RYR3: variants seen among roughly 807,000 people sequenced by gnomAD.
RYR3 encodes the protein ryanodine receptor 3.
RYR3 carries 207 observed loss-of-function variants against 584.3 expected under a neutral mutation model. That is an observed-to-expected ratio of 0.35 (90% confidence interval 0.32 to 0.40). RYR3 has a LOEUF of 0.40. Ranked by LOEUF, RYR3 falls within the 10% of genes least tolerant of loss-of-function variation. RYR3 has a pLI of 1.00. For synonymous variants in RYR3, 2,416 were observed against 2,248.5 expected, an observed-to-expected ratio of 1.07 and a Z score of -2.11; for missense variants, 5,616 against 6,089.2, an observed-to-expected ratio of 0.92 and a Z score of 2.59.
At chr15:33,742,522 T>A (rs1438831410) in intron 52 of RYR3, 78 bp downstream of exon 52, 2 of 933,204 alleles carry the variant, frequency 2.1e-6, no homozygotes, top group Admixed American at 3.7e-5. Context: ...GTCCTGGAAA[T>A]CTGCCTGATT....
Position 33,699,722 on chromosome 15 carries a change from G to T in RYR3, c.6268G>T (p.Val2090Phe), listed in dbSNP as rs757798437. The T allele has an allele frequency of 8.1e-6, 13 of 1,613,600 alleles. No homozygotes were observed. The highest frequency in any genetic ancestry group is 2.2e-5 in the East Asian group (1 of 44,872). ...EKSQIAFPKMVASCCRFLCYF... is the reference protein window; with the variant it reads ...EKSQIAFPKMFASCCRFLCYF... The stretch of plus-strand genomic sequence containing the variant: ...CCTACAGATTGCATTTCCAAAGATG[G>T]TTGCTAGCTGCTGCCGTTTCCTTTG... The change falls in exon 41 of 104, where the codon GTT (valine) becomes TTT (phenylalanine). Residue 2090 changes from valine to phenylalanine, a missense_variant. Coordinates refer to ENST00000634891, the MANE Select transcript of RYR3 (RefSeq NM_001036.6).
intron 2 of RYR3, among the ~76,000 whole-genome samples, chr15:33,476,475 C>G (rs776856837): frequency 3.3e-5 from 5 of 152,176 alleles, no homozygotes; most frequent in African/African-American, 4.8e-5. Context: ...GTTTTTCATT[C>G]TAGCCTTTGC....
intron 1 of RYR3, among the ~76,000 whole-genome samples, chr15:33,409,749 T>C (rs1596015937): frequency 6.6e-6 from 1 of 152,244 alleles, no homozygotes; most frequent in African/African-American, 2.4e-5. Context: ...TGCCCACTTC[T>C]GGAGTTCTAG....
chr15:33,323,767 G>C (rs1434403519), intron 1 of RYR3, among the ~76,000 whole-genome samples: 1 of 152,180 alleles, frequency 6.6e-6, no homozygotes, highest in African/African-American at 2.4e-5. Context: ...ACTCCCAGCT[G>C]TTTGGGAGGT....
chr15:33,379,016 A>G (rs141911274), intron 1 of RYR3, among the ~76,000 whole-genome samples: 112 of 152,282 alleles, frequency 7.4e-4, no homozygotes, highest in Middle Eastern at 3.4e-3. Flanking sequence ...TGAAAATCTT[A>G]TCTATGTTAC....
intron 74 of RYR3, 112 bp downstream of exon 74, chr15:33,813,691 G>T: frequency 1.1e-6 from 1 of 882,324 alleles, no homozygotes; most frequent in Non-Finnish European, 1.8e-6. Context: ...TGGAATCCTT[G>T]GCCTATGGAG....
At chr15:33,684,628 C>A (rs149777646) in intron 38 of RYR3, among the ~76,000 whole-genome samples, 3,281 of 152,182 alleles carry the variant, frequency 0.022, 121 homozygotes, top group African/African-American at 0.075. Context: ...TCGAGAAGAG[C>A]AACCCCAAGA....
chr15:33,692,849 G>A (rs2065538744), intron 38 of RYR3, among the ~76,000 whole-genome samples: 1 of 152,146 alleles, frequency 6.6e-6, no homozygotes, highest in African/African-American at 2.4e-5. Context: ...TTTTGAGTCA[G>A]TGTGAGGCTA....
chr15:33,655,002 G>A (rs2062739914), intron 32 of RYR3, among the ~76,000 whole-genome samples: 1 of 152,156 alleles, frequency 6.6e-6, no homozygotes. Context: ...ACCCTTCCTG[G>A]GGGCGGGGAG....
intron 1 of RYR3, among the ~76,000 whole-genome samples, chr15:33,438,161 T>C (rs938428920): frequency 2.0e-5 from 3 of 152,162 alleles, no homozygotes; most frequent in Non-Finnish European, 4.4e-5. Context: ...TTTTTTGTGG[T>C]GAGAACATTT....
chr15:33,660,020 A>G (rs531465921), intron 33 of RYR3, among the ~76,000 whole-genome samples, 177 bp from the exon 34 acceptor site: 1 of 152,210 alleles, frequency 6.6e-6, no homozygotes. Context: ...TGAAAGAATC[A>G]ATTAATGCTC....
chr15:33,459,157 AT>A (rs569706329), intron 1 of RYR3, among the ~76,000 whole-genome samples: 1 of 152,134 alleles, frequency 6.6e-6, no homozygotes, highest in African/African-American at 2.4e-5. Flanking sequence ...GCATCAATAT[AT>A]TTTTACAGGT....
intron 1 of RYR3, among the ~76,000 whole-genome samples, chr15:33,400,574 GTGGAGACTTTCTTCCTTCA>G (rs775752959): frequency 3.5e-4 from 54 of 152,256 alleles, no homozygotes; most frequent in Admixed American, 1.0e-3. Flanking sequence ...AAATTTCTTC[GTGGAGACTTTCTTCCTTCA>G]TGGAGACTTT....
In RYR3 at chr15:33,821,512, C is replaced by T. The variant is rs750189132; in HGVS notation, c.10916-11C>T. ...TTCCTTGGTGATTCAATCGAATCTT[C>T]ACCATGGCAGGTGAGATGAGCCCCA... On this transcript the variant is annotated splice_polypyrimidine_tract_variant and intron_variant, in intron 79 of 103. Coordinates refer to ENST00000634891, the MANE Select transcript of RYR3 (RefSeq NM_001036.6). 6.2e-7 allele frequency: 1 copy of T among 1,613,882 alleles called. No homozygotes were observed. The highest frequency in any genetic ancestry group is 1.7e-5 in the Admixed American group (1 of 60,024).
intron 1 of RYR3, among the ~76,000 whole-genome samples, chr15:33,389,377 T>C (rs893965106): frequency 6.6e-6 from 1 of 152,166 alleles, no homozygotes; most frequent in Non-Finnish European, 1.5e-5. Context: ...TTTAGTGATA[T>C]GGAGATGATC....
chr15:33,694,316 C>G (rs2065668564), intron 38 of RYR3, among the ~76,000 whole-genome samples: 1 of 151,684 alleles, frequency 6.6e-6, no homozygotes, highest in South Asian at 2.1e-4. Context: ...GCAATCTCAG[C>G]TCACTGCAAG....
At chr15:33,321,472 G>A (rs761026147) in intron 1 of RYR3, among the ~76,000 whole-genome samples, 2 of 152,206 alleles carry the variant, frequency 1.3e-5, no homozygotes, top group South Asian at 4.2e-4. Flanking sequence ...GGATCATATT[G>A]GTTATTTAAC....
rs748488682 is a variant in RYR3 at position 33,531,632 on chromosome 15, C to CAT, written c.354+981_354+982dup. 3.9e-3 allele frequency among the ~76,000 whole-genome samples: 501 copies of CAT among 128,482 alleles called. 1 individual carries two copies. Among genetic ancestry groups the CAT allele is most frequent in the Middle Eastern group, 0.013 (3 of 240 alleles). The allele number at this position is 128,482 out of a possible 152,430, so 84.3% of individuals were successfully genotyped here. A position where few individuals can be genotyped will look rare whatever the true frequency, so the allele number is the denominator to read the frequency against. ...CTGTTAAATAATTCATTTGCTGCAG[C>CAT]ATATATATATATATATTTTTTTTTC... On this transcript the variant is annotated intron_variant, in intron 4 of 103. Coordinates refer to ENST00000634891, the MANE Select transcript of RYR3 (RefSeq NM_001036.6).
chr15:33,558,067 T>G (rs1227443562), intron 10 of RYR3, among the ~76,000 whole-genome samples: 2 of 151,996 alleles, frequency 1.3e-5, no homozygotes, highest in South Asian at 2.1e-4. Context: ...GAAATCCCAG[T>G]TTTTTTTCTG....
Sources: gnomAD v4.1 joint callset for allele counts (sites outside exome capture counted in the v4.1 genomes callset) on GRCh38, gnomAD v4.1.1 for gene constraint, MANE v1.5 for transcripts, NCBI Gene and HGNC (gene_info 2026-07-23, HGNC 2026-07-21) for gene names.